The following PGBD5 variants were observed in gnomAD, a reference collection of about 807,000 sequenced individuals.
PGBD5 encodes the protein piggyBac transposable element derived 5.
Under a neutral mutation model 47.9 loss-of-function variants are expected in PGBD5, and 14 were observed. The observed-to-expected ratio is 0.29, with a 90% confidence interval of 0.19 to 0.46. PGBD5 has a LOEUF of 0.46. PGBD5 is among the 20% of genes least tolerant of loss of function. The pLI, the probability that PGBD5 is intolerant of heterozygous loss-of-function variation, is 1.00. For missense variants in PGBD5, 635 were observed against 716.0 expected (o/e 0.89, Z 1.29); for synonymous variants, 316 against 306.3 (o/e 1.03, Z -0.33).
intron 1 of PGBD5, among the ~76,000 whole-genome samples, chr1:230,366,923 C>A (rs928532451): frequency 6.6e-6 from 1 of 152,074 alleles, no homozygotes; most frequent in Admixed American, 6.5e-5. Flanking sequence ...CTACTTCTCA[C>A]GAGTTCATAT....
chr1:230,358,932 T>G (rs1159020800), intron 1 of PGBD5, among the ~76,000 whole-genome samples: 1 of 152,272 alleles, frequency 6.6e-6, no homozygotes, highest in Non-Finnish European at 1.5e-5. Context: ...GAAGCATGAC[T>G]CTGTGTGTGT....
chr1:230,369,911 A>C (rs1484094978), intron 1 of PGBD5, among the ~76,000 whole-genome samples: 1 of 152,226 alleles, frequency 6.6e-6, no homozygotes, highest in Non-Finnish European at 1.5e-5. Flanking sequence ...GGAAGAGATA[A>C]GGAAAAGGGT....
At chr1:230,424,998 G>T (rs74146026) in intron 1 of PGBD5, among the ~76,000 whole-genome samples, 130 of 152,242 alleles carry the variant, frequency 8.5e-4, no homozygotes, top group African/African-American at 3.1e-3. Context: ...TGCCCAATCG[G>T]TCCCTTCCTT....
intron 4 of PGBD5, chr1:230,336,386 G>A (rs1667325350): frequency 6.6e-6 from 1 of 152,188 alleles, no homozygotes; most frequent in Admixed American, 6.5e-5. Context: ...TAGTTTTAAG[G>A]CCAGATGTCT....
intron 1 of PGBD5, among the ~76,000 whole-genome samples, chr1:230,418,502 TTTC>T (rs1657575236): frequency 6.6e-6 from 1 of 152,110 alleles, no homozygotes; most frequent in Non-Finnish European, 1.5e-5. Flanking sequence ...TAAGAATGTT[TTTC>T]TTTTTTCTTT....
intron 1 of PGBD5, among the ~76,000 whole-genome samples, chr1:230,381,286 T>C (rs750878110): frequency 6.6e-6 from 1 of 152,250 alleles, no homozygotes; most frequent in African/African-American, 2.4e-5. Context: ...TCAGGTATAG[T>C]ATAATCCTGG....
intron 1 of PGBD5, among the ~76,000 whole-genome samples, chr1:230,391,678 C>T (rs777884576): frequency 3.9e-5 from 6 of 152,152 alleles, no homozygotes; most frequent in Non-Finnish European, 8.8e-5. Flanking sequence ...TGTATTTGGC[C>T]ATCCATAAAA....
chr1:230,412,423 C>G lies in PGBD5; in HGVS notation c.331+13175G>C, dbSNP rs1039673850. On this transcript the variant is annotated intron_variant, in intron 1 of 6. Transcript: ENST00000391860. ...TTTTTTTTTGAGACAGAGTCTCGCT[C>G]TGTTGCCCAGGCTGGAGTGCAATGG... Among the ~76,000 whole-genome samples, 3 of 139,978 alleles carry G rather than the reference C, an allele frequency of 2.1e-5. No homozygotes were observed. The East Asian group carries it at 6.3e-4, about 29-fold the overall frequency. The allele number at this position is 139,978 out of a possible 152,430, so 91.8% of individuals were successfully genotyped here.
chr1:230,403,993 A>G (rs1209415802), intron 1 of PGBD5, among the ~76,000 whole-genome samples: 2 of 152,246 alleles, frequency 1.3e-5, no homozygotes, highest in African/African-American at 4.8e-5. Flanking sequence ...ACTAGAAAAC[A>G]TGATTTCCCA....
chr1:230,368,956 G>C (rs1558202110), intron 1 of PGBD5, among the ~76,000 whole-genome samples: 1 of 152,230 alleles, frequency 6.6e-6, no homozygotes. Context: ...ATAAAAACGT[G>C]CTACCATTTT....
At chr1:230,404,629 A>ATATAT (rs1353990800) in intron 1 of PGBD5, among the ~76,000 whole-genome samples, 12 of 108,468 alleles carry the variant, frequency 1.1e-4, no homozygotes, top group East Asian at 3.0e-4. Context: ...AAAAAAAAAA[A>ATATAT]ATATATATAT....
Position 230,322,928 on chromosome 1 carries a change from G to A in PGBD5, c.*497C>T, listed in dbSNP as rs1667057730. 1 of 159,680 alleles carries A rather than the reference G, an allele frequency of 6.3e-6. No homozygotes were observed. Among genetic ancestry groups the A allele is most frequent in the African/African-American group, 2.4e-5 (1 of 41,604 alleles). 9.9% of individuals were successfully genotyped at this position (159,680 alleles called of 1,614,324 possible). ...GAGACCGGTTCAAAGGTGCTGGCAT[G>A]AGGCAAATGCTGGAAAACCCTCCGG... On this transcript the variant is annotated 3_prime_UTR_variant, in exon 7 of 7. Coordinates refer to ENST00000391860, the MANE Select transcript of PGBD5 (RefSeq NM_001258311.2). The surrounding 1 kb of genome is among the most constrained non-coding windows in gnomAD (Gnocchi z 5.9).
At chr1:230,349,216 G>A (rs1341713129) in intron 3 of PGBD5, among the ~76,000 whole-genome samples, 1 of 152,090 alleles carries the variant, frequency 6.6e-6, no homozygotes, top group Non-Finnish European at 1.5e-5. Context: ...CACAGGATCC[G>A]CATGTAAACA....
intron 4 of PGBD5, 68 bp from the exon 5 acceptor site, chr1:230,333,109 G>C (rs1490506216): frequency 6.7e-7 from 1 of 1,496,070 alleles, no homozygotes; most frequent in African/African-American, 1.4e-5. Context: ...CCTCCGCCCT[G>C]GGCACCCCCA....
chr1:230,362,161 A>T (rs765357599), intron 1 of PGBD5: 27 of 1,227,188 alleles, frequency 2.2e-5, no homozygotes, highest in Non-Finnish European at 2.8e-5. Flanking sequence ...ATGCTCTTGC[A>T]ACTTCAGCAG....
intron 4 of PGBD5, among the ~76,000 whole-genome samples, chr1:230,336,527 G>C (rs1281723196): frequency 6.6e-6 from 1 of 152,214 alleles, no homozygotes; most frequent in South Asian, 2.1e-4. Flanking sequence ...GGCCAGGGCA[G>C]CTTGCCACAG....
chr1:230,370,855 C>T (rs186491242), intron 1 of PGBD5, among the ~76,000 whole-genome samples: 4 of 152,312 alleles, frequency 2.6e-5, no homozygotes, highest in Admixed American at 6.5e-5. Context: ...GTTCACCTCT[C>T]GAAGCTGCCC....
Position 230,425,492 on chromosome 1 carries a change from C to T in PGBD5, c.331+106G>A. 1.1e-6 allele frequency: 1 copy of T among 881,222 alleles called. No homozygotes were observed. Among genetic ancestry groups the T allele is most frequent in the Non-Finnish European group, 1.5e-6 (1 of 676,026 alleles). 54.6% of individuals were successfully genotyped at this position (881,222 alleles called of 1,614,324 possible). A position where few individuals can be genotyped will look rare whatever the true frequency, so the allele number is the denominator to read the frequency against. On this transcript the variant is annotated intron_variant, in intron 1 of 6. Coordinates refer to ENST00000391860, the MANE Select transcript of PGBD5 (RefSeq NM_001258311.2). The surrounding 1 kb of genome is among the most constrained non-coding windows in gnomAD (Gnocchi z 4.7). ...TCATTTGTTTCCGGAGAGACACCCA[C>T]AAGCCAGCCCACGGAGAGTCTGGAC...
intron 1 of PGBD5, among the ~76,000 whole-genome samples, chr1:230,369,622 C>CTG (rs1558202385): frequency 1.3e-5 from 2 of 150,590 alleles, no homozygotes; most frequent in South Asian, 4.2e-4. Flanking sequence ...TACTCCGTGT[C>CTG]TGTGTGTGTG....
Sources: allele counts gnomAD v4.1 joint callset (sites outside exome capture counted in the v4.1 genomes callset), GRCh38; gene constraint gnomAD v4.1.1; non-coding constraint Gnocchi (gnomAD v3.1); transcripts MANE v1.5; gene names NCBI Gene and HGNC (gene_info 2026-07-23, HGNC 2026-07-21).